Variants in ETV5 observed in about 807,000 individuals in gnomAD.
ETV5 encodes ETS variant transcription factor 5.
A neutral mutation model predicts 70.0 loss-of-function variants in ETV5; 10 were observed. That is an observed-to-expected ratio of 0.14 (90% CI 0.09 to 0.24). ETV5 has a LOEUF of 0.24. ETV5 is among the 10% of genes least tolerant of loss of function. The probability of loss-of-function intolerance (pLI) is 1.00; values close to 1 mark genes in which losing one functional copy is unlikely to be tolerated. For synonymous variants in ETV5, 216 were observed against 242.2 expected (o/e 0.89, Z 1.01); for missense variants, 453 against 651.2 (o/e 0.70, Z 3.31).
At chr3:186,107,753 G>A (rs1025077647) in intron 1 of ETV5, among the ~76,000 whole-genome samples, 6 of 152,182 alleles carry the variant, frequency 3.9e-5, no homozygotes, top group South Asian at 4.1e-4. Context: ...CGCGCAGCGG[G>A]CCCGGTTTTA....
intron 7 of ETV5, among the ~76,000 whole-genome samples, chr3:186,077,310 G>A (rs1283328225): frequency 1.3e-5 from 2 of 152,142 alleles, no homozygotes; most frequent in African/African-American, 4.8e-5. Context: ...AAAGTAATCT[G>A]CCCCACTTTT....
Position 186,079,939 on chromosome 3 carries a change from G to T in ETV5, c.528C>A (p.Pro176=). ...AGPVQGVGPA[P]APHSLPEPGP... ...CAGGCTCTGGAAGCGAATGGGGGGC[G>T]GGGGCGGGGCCCACACCTTGAACTG... The change falls in exon 7 of 13, where the codon CCC becomes CCA. Residue 176 remains proline, a synonymous_variant. Transcript: ENST00000306376. 1.9e-6 allele frequency: 3 copies of T among 1,606,016 alleles called. No individual in the cohort carries two copies. The highest frequency in any genetic ancestry group is 2.2e-5 in the South Asian group (2 of 89,684).
At chr3:186,068,289 A>G (rs1446043405) in intron 7 of ETV5, among the ~76,000 whole-genome samples, 1 of 152,256 alleles carries the variant, frequency 6.6e-6, no homozygotes, top group African/African-American at 2.4e-5. Context: ...TATTTTTGAC[A>G]TATTAAGGAA....
At chr3:186,090,791 C>T (rs1714163846) in intron 5 of ETV5, among the ~76,000 whole-genome samples, 1 of 152,162 alleles carries the variant, frequency 6.6e-6, no homozygotes, top group Non-Finnish European at 1.5e-5. Context: ...CTTTTTACCC[C>T]TAAATGCTGA....
chr3:186,084,799 A>G (rs1379212050), intron 5 of ETV5, among the ~76,000 whole-genome samples: 4 of 152,198 alleles, frequency 2.6e-5, no homozygotes, highest in African/African-American at 9.6e-5. Flanking sequence ...GAAATGGGAG[A>G]TACTCTACTC....
rs998595993 is a variant in ETV5 at position 186,054,895 on chromosome 3, C to T, written c.1209+2180G>A. 3.9e-5 allele frequency among the ~76,000 whole-genome samples: 6 copies of T among 152,150 alleles called. No homozygotes were observed. The highest frequency in any genetic ancestry group is 1.2e-4 in the African/African-American group (5 of 41,440). On this transcript the variant is annotated intron_variant, in intron 11 of 12. Coordinates refer to ENST00000306376, the MANE Select transcript of ETV5 (RefSeq NM_004454.3). The surrounding 1 kb of genome is among the most constrained non-coding windows in gnomAD (Gnocchi z 4.4). ...CTGATCCTGGGTGAAGAGAAAGGAA[C>T]ATTTGGAGCTTAGGGAAAGCTTGGG...
In ETV5 at chr3:186,080,001, T is replaced by A; in HGVS notation, c.466A>T (p.Thr156Ser). The A allele has an allele frequency of 6.5e-7, 1 of 1,546,980 alleles. No individual in the cohort carries two copies. The highest frequency in any genetic ancestry group is 8.6e-7 in the Non-Finnish European group (1 of 1,156,182). ...GGGGCATGCCCTGAGGTGGGCAGAG[T>A]TGCCTGAGGTGGGGGAAATAGGGGA... ...QNPLFPPPQA[T>S]LPTSGHAPAA... Residue 156 changes from threonine to serine, a missense_variant, in exon 7 of 13, where the codon ACT (threonine) becomes TCT (serine). Thr to Ser is a moderately conservative substitution (Grantham distance 58). Around this residue, in one of 4 missense-constraint regions of ETV5, gnomAD observed 307 missense variants for 344.9 expected, o/e 0.89. Transcript: ENST00000306376.
At chr3:186,072,084 G>A (rs1713654565) in intron 7 of ETV5, among the ~76,000 whole-genome samples, 1 of 150,456 alleles carries the variant, frequency 6.6e-6, no homozygotes, top group Non-Finnish European at 1.5e-5. Flanking sequence ...ACAGGCGTCA[G>A]CCTGTAGCAG....
Position 186,080,055 on chromosome 3 carries a change from T to C in ETV5, c.412A>G (p.Thr138Ala). The change falls in exon 7 of 13, where the codon ACA becomes GCA. Residue 138 changes from threonine (T) to alanine (A), a missense_variant. By Grantham distance (58) the Thr-to-Ala change is moderately conservative. Transcript: ENST00000306376. ...TGATGGGTGGGTGAGAGGGGGGTTG[T>C]AGGAGGGGTTAATGGCTTGAACCCA... ...PSGFKPLTPP[T>A]TPLSPTHQNP... is the part of the protein sequence containing the mutation. 1 of 1,526,638 alleles carries C rather than the reference T, an allele frequency of 6.6e-7. No individual in the cohort carries two copies. Among genetic ancestry groups the C allele is most frequent in the Non-Finnish European group, 8.7e-7 (1 of 1,146,508 alleles). The allele number at this position is 1,526,638 out of a possible 1,614,324, so 94.6% of individuals were successfully genotyped here.
intron 9 of ETV5, among the ~76,000 whole-genome samples, chr3:186,061,938 AAAC>A (rs1560046498): frequency 6.6e-6 from 1 of 152,230 alleles, no homozygotes; most frequent in Admixed American, 6.5e-5. Context: ...AATGTACTAA[AAAC>A]AACAACAAAA....
chr3:186,089,658 A>G (rs1014982381), intron 5 of ETV5, among the ~76,000 whole-genome samples: 12 of 152,234 alleles, frequency 7.9e-5, no homozygotes, highest in African/African-American at 2.9e-4. Context: ...TTGCATTTCT[A>G]TATATTCTTT....
At chr3:186,102,515 C>T (rs1714484070) in intron 5 of ETV5, among the ~76,000 whole-genome samples, 1 of 151,820 alleles carries the variant, frequency 6.6e-6, no homozygotes, top group Non-Finnish European at 1.5e-5. Flanking sequence ...TGCCTGTAAT[C>T]CCAGCTACTC....
intron 5 of ETV5, among the ~76,000 whole-genome samples, chr3:186,093,847 A>G (rs1413135856): frequency 6.6e-6 from 1 of 152,184 alleles, no homozygotes; most frequent in African/African-American, 2.4e-5. Context: ...GGAAGAGCAA[A>G]TGTGGTCCTG....
chr3:186,100,787 T>C (rs1714434538), intron 5 of ETV5, among the ~76,000 whole-genome samples: 1 of 152,178 alleles, frequency 6.6e-6, no homozygotes, highest in South Asian at 2.1e-4. Context: ...GGCCATGACT[T>C]TGAAATAAGA....
chr3:186,102,346 T>G (rs1714479841), intron 5 of ETV5, among the ~76,000 whole-genome samples: 1 of 152,142 alleles, frequency 6.6e-6, no homozygotes, highest in Non-Finnish European at 1.5e-5. Flanking sequence ...AGAATATTTG[T>G]TACAGGCCGG....
rs566018928 is a variant in ETV5 at position 186,088,667 on chromosome 3, T to C, written c.233-7492A>G. Among the ~76,000 whole-genome samples the C allele has an allele frequency of 3.2e-4, 48 of 152,196 alleles. No homozygotes were observed. The South Asian group carries it at 8.5e-3, about 27-fold the overall frequency. Reference sequence around the variant, plus strand: ...GAAAAGATGATCAAGAAGAGGGACATGGAAAAATAACAAGGACACTGGCAA... The same window carrying C: ...GAAAAGATGATCAAGAAGAGGGACACGGAAAAATAACAAGGACACTGGCAA... On this transcript the variant is annotated intron_variant, in intron 5 of 12. Coordinates refer to ENST00000306376, the MANE Select transcript of ETV5 (RefSeq NM_004454.3).
Position 186,105,937 on chromosome 3 carries a change from A to T in ETV5, c.-69T>A, listed in dbSNP as rs778367849. 6.3e-7 allele frequency: 1 copy of T among 1,583,374 alleles called. No individual in the cohort carries two copies. Among genetic ancestry groups the T allele is most frequent in the Non-Finnish European group, 8.6e-7 (1 of 1,160,740 alleles). ...TTGAGTAATTTCTGGGGGAAAAGGG[A>T]TCCTCCTGTAATATGAATTTGGGAG... is the stretch of plus-strand genomic sequence containing the variant. On this transcript the variant is annotated 5_prime_UTR_variant, in exon 2 of 13. Coordinates refer to ENST00000306376, the MANE Select transcript of ETV5 (RefSeq NM_004454.3). The surrounding 1 kb of genome is among the most constrained non-coding windows in gnomAD (Gnocchi z 4.5).
At chr3:186,091,034 T>C (rs1578557394) in intron 5 of ETV5, among the ~76,000 whole-genome samples, 1 of 152,178 alleles carries the variant, frequency 6.6e-6, no homozygotes, top group South Asian at 2.1e-4. Flanking sequence ...ATCAAGGCCC[T>C]CCATACGACT....
At chr3:186,091,323 T>A (rs1204569654) in intron 5 of ETV5, among the ~76,000 whole-genome samples, 2 of 152,218 alleles carry the variant, frequency 1.3e-5, no homozygotes, top group Non-Finnish European at 2.9e-5. Context: ...GGAGTTATGA[T>A]GTTGATGACT....
Sources: allele counts gnomAD v4.1 joint callset (sites outside exome capture counted in the v4.1 genomes callset), GRCh38; gene constraint gnomAD v4.1.1; regional missense constraint gnomAD v4.1.1; non-coding constraint Gnocchi (gnomAD v3.1); transcripts MANE v1.5; gene names NCBI Gene and HGNC (gene_info 2026-07-23, HGNC 2026-07-21).